CSMD1: variants seen among roughly 807,000 people sequenced by gnomAD.
CSMD1 encodes CUB and sushi domain-containing protein 1.
Under a neutral mutation model 417.5 loss-of-function variants are expected in CSMD1, and 213 were observed. That is an observed-to-expected ratio of 0.51 (90% CI 0.46 to 0.57). The LOEUF is 0.57. Ranked by LOEUF, CSMD1 falls within the 20% of genes least tolerant of loss-of-function variation. The pLI is 0.00. For synonymous variants in CSMD1, 2,862 were observed against 1,736.8 expected (o/e 1.65, Z -16.11); for missense variants, 6,923 against 4,529.7 (o/e 1.53, Z -15.17).
At chr8:4,739,622 G>A (rs1310986732) in intron 1 of CSMD1, among the ~76,000 whole-genome samples, 2 of 152,242 alleles carry the variant, frequency 1.3e-5, no homozygotes, top group South Asian at 2.1e-4. Context: ...ATGCTCAGTG[G>A]TTATCATGGC....
At chr8:4,635,162 A>T (rs889746132) in intron 2 of CSMD1, among the ~76,000 whole-genome samples, 3 of 152,096 alleles carry the variant, frequency 2.0e-5, no homozygotes, top group African/African-American at 7.2e-5. Context: ...TTTCTTATCA[A>T]CCTCCCTTGC....
In CSMD1 at chr8:3,506,661, G is replaced by C. The variant is rs559904873; in HGVS notation, c.1345-12935C>G. ...AAACTTACATCTGCATATTCAGTAA[G>C]TTTCTGGAATAAATAAACTCCGAAT... is the stretch of plus-strand genomic sequence containing the variant. On this transcript the variant is annotated intron_variant, in intron 10 of 69. Transcript: ENST00000635120. 1.3e-4 allele frequency among the ~76,000 whole-genome samples: 20 copies of C among 152,216 alleles called. No individual in the cohort carries two copies. The East Asian group carries it at 1.4e-3, about 10-fold the overall frequency.
intron 3 of CSMD1, among the ~76,000 whole-genome samples, chr8:4,200,839 C>G (rs774005695): frequency 4.6e-5 from 7 of 152,116 alleles, no homozygotes; most frequent in Non-Finnish European, 7.4e-5. Flanking sequence ...GCCTGAGTGA[C>G]AAAGTGAAAC....
intron 5 of CSMD1, among the ~76,000 whole-genome samples, chr8:3,778,798 G>C (rs541268553): frequency 6.6e-6 from 1 of 152,116 alleles, no homozygotes; most frequent in East Asian, 1.9e-4. Context: ...TTCATGCTCC[G>C]AACACTTTTC....
At chr8:4,042,571 A>G (rs1797945064) in intron 3 of CSMD1, among the ~76,000 whole-genome samples, 1 of 152,072 alleles carries the variant, frequency 6.6e-6, no homozygotes, top group South Asian at 2.1e-4. Context: ...GCGGAAGGTA[A>G]TAGCATAGTA....
At chr8:3,555,472 T>A (rs867662650) in intron 10 of CSMD1, among the ~76,000 whole-genome samples, 48 of 152,158 alleles carry the variant, frequency 3.2e-4, no homozygotes, top group African/African-American at 1.2e-3. Flanking sequence ...AAGGTGGAGG[T>A]GAAGTGGGAT....
chr8:3,203,736 T>A (rs977671298), intron 31 of CSMD1, among the ~76,000 whole-genome samples: 2 of 152,212 alleles, frequency 1.3e-5, no homozygotes, highest in Admixed American at 1.3e-4. Context: ...ATCACGATAC[T>A]AACATGCTTA....
intron 1 of CSMD1, among the ~76,000 whole-genome samples, chr8:4,971,641 GTCT>G (rs1437242603): frequency 1.3e-5 from 2 of 151,402 alleles, no homozygotes; most frequent in Admixed American, 6.6e-5. Flanking sequence ...AAAATGTATA[GTCT>G]TATTCTTACT....
At chr8:4,631,409 T>G (rs1028557796) in intron 2 of CSMD1, among the ~76,000 whole-genome samples, 13 of 151,740 alleles carry the variant, frequency 8.6e-5, no homozygotes, top group Non-Finnish European at 1.6e-4. Flanking sequence ...TTTTTTTTTT[T>G]TTTTAATCAG....
At chr8:3,185,162 C>G (rs1821668148) in intron 36 of CSMD1, among the ~76,000 whole-genome samples, 1 of 152,216 alleles carries the variant, frequency 6.6e-6, no homozygotes, top group Admixed American at 6.5e-5. Context: ...CAGCTGACGT[C>G]AGAGGGGAGT....
chr8:3,466,528 G>C (rs1428452506), intron 12 of CSMD1, among the ~76,000 whole-genome samples: 1 of 150,888 alleles, frequency 6.6e-6, no homozygotes, highest in Non-Finnish European at 1.5e-5. Context: ...TTCTGCCCCA[G>C]CCTCCTGTGT....
intron 4 of CSMD1, among the ~76,000 whole-genome samples, chr8:4,025,311 T>C (rs912408576): frequency 6.6e-6 from 1 of 152,198 alleles, no homozygotes; most frequent in Non-Finnish European, 1.5e-5. Context: ...TGGACCATCT[T>C]TCATGTTTTC....
intron 58 of CSMD1, among the ~76,000 whole-genome samples, 179 bp from the exon 59 acceptor site, chr8:2,966,133 C>G (rs1803932472): frequency 1.3e-5 from 2 of 152,172 alleles, no homozygotes; most frequent in South Asian, 2.1e-4. Context: ...AGAAGGAACA[C>G]TTGTATTTTG....
intron 5 of CSMD1, among the ~76,000 whole-genome samples, chr8:3,934,789 G>A (rs1485223032): frequency 1.3e-5 from 2 of 152,116 alleles, no homozygotes; most frequent in Non-Finnish European, 2.9e-5. Context: ...AGAGGTTACA[G>A]TGAGCCAAAA....
intron 26 of CSMD1, among the ~76,000 whole-genome samples, chr8:3,271,040 C>T (rs1425692040): frequency 1.3e-5 from 2 of 152,004 alleles, no homozygotes; most frequent in South Asian, 4.2e-4. Context: ...AACTTGTCAT[C>T]TAGCAATAGG....
intron 7 of CSMD1, among the ~76,000 whole-genome samples, chr8:3,621,467 T>G (rs1264896353): frequency 2.0e-5 from 3 of 152,148 alleles, no homozygotes; most frequent in Non-Finnish European, 4.4e-5. Flanking sequence ...ATATAAGGTG[T>G]TATTGTGTAA....
intron 1 of CSMD1, among the ~76,000 whole-genome samples, chr8:4,855,354 C>T (rs1055691327): frequency 5.9e-5 from 9 of 152,090 alleles, no homozygotes; most frequent in African/African-American, 1.2e-4. Flanking sequence ...AAAAGCAGAG[C>T]GCCTCTCCTC....
intron 3 of CSMD1, among the ~76,000 whole-genome samples, chr8:4,402,113 C>T (rs796320391): frequency 3.9e-4 from 59 of 152,184 alleles, no homozygotes; most frequent in African/African-American, 1.3e-3. Flanking sequence ...ATGAACTTGT[C>T]TTCCATTCTC....
At chr8:3,818,273 T>A (rs1801510735) in intron 5 of CSMD1, among the ~76,000 whole-genome samples, 2 of 152,084 alleles carry the variant, frequency 1.3e-5, no homozygotes, top group Non-Finnish European at 2.9e-5. Flanking sequence ...TCACCCTCTC[T>A]ATTCAGAGCC....
Sources: gnomAD v4.1 joint callset for allele counts (sites outside exome capture counted in the v4.1 genomes callset) on GRCh38, gnomAD v4.1.1 for gene constraint, MANE v1.5 for transcripts, NCBI Gene and HGNC (gene_info 2026-07-23, HGNC 2026-07-21) for gene names.